Variants in NECTIN2 observed in about 807,000 individuals in gnomAD.
NECTIN2 encodes nectin cell adhesion molecule 2.
NECTIN2 carries 23 observed loss-of-function variants against 56.9 expected under a neutral mutation model. That is an observed-to-expected ratio of 0.40 (90% CI 0.29 to 0.57). NECTIN2 has a LOEUF of 0.57. NECTIN2 is among the 20% of genes least tolerant of loss of function. NECTIN2 has a pLI of 0.38. For synonymous variants in NECTIN2, 302 were observed against 313.8 expected (o/e 0.96, Z 0.40); for missense variants, 587 against 718.3 (o/e 0.82, Z 2.09).
chr19:44,865,176 C>T lies in NECTIN2; in HGVS notation c.89-95C>T. Reference sequence around the variant, plus strand: ...CTGCCTACGTTGCATGCGGAGCCTGCATTTCCCGTGGGGCCCCCTTCGTGG... The same window carrying T: ...CTGCCTACGTTGCATGCGGAGCCTGTATTTCCCGTGGGGCCCCCTTCGTGG... On this transcript the variant is annotated intron_variant, in intron 1 of 8. Transcript: ENST00000252483. The surrounding 1 kb of genome is among the most constrained non-coding windows in gnomAD (Gnocchi z 5.2). The T allele has an allele frequency of 7.4e-7, 1 of 1,345,918 alleles. No homozygotes were observed. The highest frequency in any genetic ancestry group is 1.0e-6 in the Non-Finnish European group (1 of 984,144). The allele number at this position is 1,345,918 out of a possible 1,614,324, so 83.4% of individuals were successfully genotyped here. A position where few individuals can be genotyped will look rare whatever the true frequency, so the allele number is the denominator to read the frequency against.
chr19:44,861,781 A>G (rs1353964245), intron 1 of NECTIN2, among the ~76,000 whole-genome samples: 2 of 152,236 alleles, frequency 1.3e-5, no homozygotes, highest in East Asian at 1.9e-4. Context: ...AGAAATGCAA[A>G]TCAAAACAAT....
intron 1 of NECTIN2, among the ~76,000 whole-genome samples, chr19:44,863,356 C>T (rs1969056231): frequency 6.6e-6 from 1 of 151,692 alleles, no homozygotes; most frequent in Non-Finnish European, 1.5e-5. Context: ...GCAGTCCCAG[C>T]CACTCAAGTT....
chr19:44,877,477 C>G (rs774069780), intron 5 of NECTIN2, among the ~76,000 whole-genome samples: 7 of 152,178 alleles, frequency 4.6e-5, no homozygotes, highest in Non-Finnish European at 1.0e-4. Flanking sequence ...GCAGGGAGCA[C>G]TAAGGAAGTC....
At chr19:44,850,611 C>T (rs1968888305) in intron 1 of NECTIN2, among the ~76,000 whole-genome samples, 1 of 152,124 alleles carries the variant, frequency 6.6e-6, no homozygotes, top group Non-Finnish European at 1.5e-5. Context: ...CACCACAGTA[C>T]TCCACCCTGG....
At chr19:44,880,130 G>A (rs1178004709) in intron 5 of NECTIN2, among the ~76,000 whole-genome samples, 5 of 152,052 alleles carry the variant, frequency 3.3e-5, no homozygotes, top group African/African-American at 7.2e-5. Flanking sequence ...TGACCCCCAC[G>A]GGCCCTTCCA....
chr19:44,866,546 A>G (rs1263029743), intron 2 of NECTIN2, among the ~76,000 whole-genome samples: 1 of 152,020 alleles, frequency 6.6e-6, no homozygotes, highest in Non-Finnish European at 1.5e-5. Context: ...TATCTAAGGG[A>G]AGAGCGTTCC....
At chr19:44,847,239 T>C (rs1262647690) in intron 1 of NECTIN2, among the ~76,000 whole-genome samples, 1 of 152,110 alleles carries the variant, frequency 6.6e-6, no homozygotes, top group African/African-American at 2.4e-5. Flanking sequence ...AGTTGGGGGT[T>C]CTGACTCCGT....
chr19:44,865,622 AG>A lies in NECTIN2; in HGVS notation c.444del (p.Ser149ProfsTer5). On this transcript the variant is annotated frameshift_variant, in exon 2 of 9. Coordinates refer to ENST00000252483, the MANE Select transcript of NECTIN2 (RefSeq NM_001042724.2). LOFTEE classifies it high-confidence loss of function. This position sits in a 1 kb window ranked among gnomAD's most constrained non-coding sequence, Gnocchi z 5.2. ...ACTTGCGAGTTTGCCACCTTCCCCAAGGGGTCCGTCCGAGGGATGACCTGGC... is the reference window on the plus strand; with the variant it reads ...ACTTGCGAGTTTGCCACCTTCCCCAAGGGTCCGTCCGAGGGATGACCTGGC... ...NYTCEFATFP[K>X]GSVRGMTWLR... 6.5e-7 allele frequency: 1 copy of A among 1,538,032 alleles called. No homozygotes were observed.
chr19:44,878,626 A>G (rs898787558), intron 5 of NECTIN2: 3 of 1,584,076 alleles, frequency 1.9e-6, no homozygotes, highest in Non-Finnish European at 2.6e-6. Flanking sequence ...TGTGACCTGG[A>G]CACAGACAGA....
intron 1 of NECTIN2, among the ~76,000 whole-genome samples, chr19:44,855,477 G>A (rs922275529): frequency 6.6e-6 from 1 of 152,060 alleles, no homozygotes; most frequent in Non-Finnish European, 1.5e-5. Context: ...CTTGGAGGAG[G>A]TGAAGGGTGT....
At chr19:44,873,837 C>A in intron 3 of NECTIN2, 79 bp from the exon 4 acceptor site, 1 of 1,085,874 alleles carries the variant, frequency 9.2e-7, no homozygotes, top group Non-Finnish European at 1.4e-6. Flanking sequence ...GTTTCTTTAG[C>A]ATTCCTGTCT....
At chr19:44,864,951 C>T (rs899193710) in intron 1 of NECTIN2, among the ~76,000 whole-genome samples, 2 of 152,064 alleles carry the variant, frequency 1.3e-5, no homozygotes, top group Non-Finnish European at 2.9e-5. Context: ...CATGACATTG[C>T]GACTTCATAT....
intron 6 of NECTIN2, among the ~76,000 whole-genome samples, chr19:44,882,764 G>A (rs1969322023): frequency 7.2e-6 from 1 of 138,924 alleles, no homozygotes; most frequent in Non-Finnish European, 1.5e-5. Flanking sequence ...AGACTCCTCG[G>A]AGCCCAGGAT....
chr19:44,887,364 C>T (rs370596221), intron 8 of NECTIN2, among the ~76,000 whole-genome samples: 4 of 151,610 alleles, frequency 2.6e-5, no homozygotes, highest in Admixed American at 6.6e-5. Context: ...AGAAAAAGGC[C>T]GGGTGCGGTT....
chr19:44,888,540 A>G lies in NECTIN2; in HGVS notation c.*161A>G. On this transcript the variant is annotated 3_prime_UTR_variant, in exon 9 of 9. Transcript: ENST00000252483. ...GTGGCTCCACTATGACCCCTAACCC[A>G]TGAGCCCAGAGAAATTCACCGTGAT... is the stretch of plus-strand genomic sequence containing the variant. The G allele has an allele frequency of 1.4e-6, 1 of 733,158 alleles. No individual in the cohort carries two copies. The highest frequency in any genetic ancestry group is 2.2e-6 in the Non-Finnish European group (1 of 455,506). 45.4% of individuals were successfully genotyped at this position (733,158 alleles called of 1,614,324 possible).
At chr19:44,862,414 CAA>C (rs869170027) in intron 1 of NECTIN2, among the ~76,000 whole-genome samples, 1 of 88,150 alleles carries the variant, frequency 1.1e-5, no homozygotes, top group Non-Finnish European at 2.3e-5. Context: ...GACTCCGTCT[CAA>C]AAAAAAAAAA....
chr19:44,873,217 C>T (rs1001162278), intron 3 of NECTIN2, among the ~76,000 whole-genome samples: 1 of 152,204 alleles, frequency 6.6e-6, no homozygotes, highest in African/African-American at 2.4e-5. Context: ...CTCCCCCAGG[C>T]AACATGCATC....
chr19:44,871,842 C>A lies in NECTIN2; in HGVS notation c.479-11C>A. The stretch of plus-strand genomic sequence containing the variant: ...TGAGGAGTGACGCACCCCCTCTCCT[C>A]CTCTCCCCAGCCAAGCCCAAGAACC... On this transcript the variant is annotated splice_polypyrimidine_tract_variant and intron_variant, in intron 2 of 8. Coordinates refer to ENST00000252483, the MANE Select transcript of NECTIN2 (RefSeq NM_001042724.2). The A allele has an allele frequency of 1.2e-6, 2 of 1,608,936 alleles. No homozygotes were observed. The highest frequency in any genetic ancestry group is 1.7e-6 in the Non-Finnish European group (2 of 1,175,824).
chr19:44,878,359 C>T (rs1224654598), intron 5 of NECTIN2: 19 of 1,551,112 alleles, frequency 1.2e-5, no homozygotes, highest in Non-Finnish European at 1.7e-5. Context: ...GGAGGAAGAG[C>T]CCTGGAGGAG....
Sources: gnomAD v4.1 joint callset for allele counts (sites outside exome capture counted in the v4.1 genomes callset) on GRCh38, gnomAD v4.1.1 for gene constraint, Gnocchi (gnomAD v3.1) non-coding constraint, MANE v1.5 for transcripts, NCBI Gene and HGNC (gene_info 2026-07-23, HGNC 2026-07-21) for gene names.